Variants in JPH1 observed in about 807,000 individuals in gnomAD.
The protein encoded by JPH1 is junctophilin-1.
In JPH1, 12 loss-of-function variants were observed where a neutral mutation model predicts 53.6. That is an observed-to-expected ratio of 0.22 (90% CI 0.14 to 0.36). The LOEUF (loss-of-function observed/expected upper bound fraction) is 0.36, where lower values mean the gene tolerates loss of function less well. JPH1 is among the 10% of genes least tolerant of loss of function. The probability of loss-of-function intolerance (pLI) is 1.00; values close to 1 mark genes in which losing one functional copy is unlikely to be tolerated. For missense variants in JPH1, 808 were observed against 905.5 expected, an observed-to-expected ratio of 0.89 and a Z score of 1.38; for synonymous variants, 375 against 363.8, an observed-to-expected ratio of 1.03 and a Z score of -0.35.
In JPH1 at chr8:74,256,866, T is replaced by C. The variant is rs544022471; in HGVS notation, c.1258+2519A>G. On this transcript the variant is annotated intron_variant, in intron 3 of 5. Coordinates refer to ENST00000342232, the MANE Select transcript of JPH1 (RefSeq NM_020647.4). ...AATAGGTAATTTGCCATGGAAGCGT[T>C]CAACATGTAAGCTATGACAGGCATC... 3.9e-5 allele frequency among the ~76,000 whole-genome samples: 6 copies of C among 152,326 alleles called. 1 individual carries two copies. In the South Asian group the frequency reaches 1.2e-3, roughly 32 times the overall value.
intron 2 of JPH1, among the ~76,000 whole-genome samples, chr8:74,262,012 C>T (rs1806409467): frequency 6.6e-6 from 1 of 152,220 alleles, no homozygotes; most frequent in Non-Finnish European, 1.5e-5. Flanking sequence ...TCAGTGAAGC[C>T]TGCTAGTACT....
intron 2 of JPH1, among the ~76,000 whole-genome samples, chr8:74,292,704 T>C (rs1038731590): frequency 1.3e-5 from 2 of 149,118 alleles, no homozygotes; most frequent in Non-Finnish European, 3.0e-5. Flanking sequence ...CTAACTTTAA[T>C]GTTATTTTCT....
chr8:74,295,146 C>CTA lies in JPH1; in HGVS notation c.1139+19714_1139+19715insTA, dbSNP rs763270556. ...CCTCTGCTTGGAAAGCTTTTCTCCCCTTTCTATTTCTAGAAACTCCTACTG... is the reference window on the plus strand; with the variant it reads ...CCTCTGCTTGGAAAGCTTTTCTCCCCTATTTCTATTTCTAGAAACTCCTACTG... On this transcript the variant is annotated intron_variant, in intron 2 of 5. Coordinates refer to ENST00000342232, the MANE Select transcript of JPH1 (RefSeq NM_020647.4). 5.1e-4 allele frequency among the ~76,000 whole-genome samples: 78 copies of CTA among 152,284 alleles called. 1 individual carries two copies. Among genetic ancestry groups the CTA allele is most frequent in the Admixed American group, 2.9e-3 (45 of 15,302 alleles).
intron 4 of JPH1, among the ~76,000 whole-genome samples, chr8:74,242,773 C>T (rs1286818563): frequency 1.3e-5 from 2 of 152,324 alleles, no homozygotes; most frequent in East Asian, 3.9e-4. Flanking sequence ...GCTTCCCTTC[C>T]CCCTTGGGGT....
At chr8:74,246,814 TG>T (rs1167114073) in intron 3 of JPH1, among the ~76,000 whole-genome samples, 9 of 152,318 alleles carry the variant, frequency 5.9e-5, no homozygotes, top group African/African-American at 1.9e-4. Flanking sequence ...AGATCGCACA[TG>T]GACAATTGAG....
intron 2 of JPH1, among the ~76,000 whole-genome samples, chr8:74,297,494 G>C (rs6995682): frequency 0.4 from 61,477 of 151,918 alleles, 12,703 homozygotes; most frequent in South Asian, 0.49. Flanking sequence ...TGTGCTTCGC[G>C]GGACTCTTAA....
At chr8:74,249,959 A>G (rs1805990450) in intron 3 of JPH1, among the ~76,000 whole-genome samples, 1 of 152,234 alleles carries the variant, frequency 6.6e-6, no homozygotes, top group African/African-American at 2.4e-5. Context: ...TACCCAGAGA[A>G]GCAGGCTGGC....
chr8:74,282,351 T>C (rs1807037356), intron 2 of JPH1, among the ~76,000 whole-genome samples: 1 of 152,204 alleles, frequency 6.6e-6, no homozygotes, highest in Non-Finnish European at 1.5e-5. Flanking sequence ...GAATATTTTA[T>C]TCTAAAATAT....
intron 1 of JPH1, among the ~76,000 whole-genome samples, chr8:74,318,537 TACTA>T (rs1808225332): frequency 1.3e-5 from 2 of 152,346 alleles, no homozygotes; most frequent in South Asian, 4.1e-4. Flanking sequence ...ATGAGTATGA[TACTA>T]ACTTATTGTT....
chr8:74,250,959 T>C (rs948715037), intron 3 of JPH1, among the ~76,000 whole-genome samples: 19 of 152,292 alleles, frequency 1.2e-4, no homozygotes, highest in African/African-American at 3.9e-4. Context: ...CAGAACTCCA[T>C]GGAAAGCTCA....
intron 3 of JPH1, among the ~76,000 whole-genome samples, chr8:74,254,959 G>C (rs1260047878): frequency 2.0e-5 from 3 of 152,094 alleles, no homozygotes; most frequent in African/African-American, 7.3e-5. Flanking sequence ...CGTGAAAATG[G>C]GCATACTGCC....
intron 3 of JPH1, among the ~76,000 whole-genome samples, chr8:74,246,145 G>T (rs886138623): frequency 6.6e-6 from 1 of 152,014 alleles, no homozygotes; most frequent in East Asian, 1.9e-4. Flanking sequence ...GCCACTTTTC[G>T]CCTCATAAGG....
At chr8:74,307,310 C>T (rs373513229) in intron 2 of JPH1, among the ~76,000 whole-genome samples, 5 of 152,258 alleles carry the variant, frequency 3.3e-5, no homozygotes, top group South Asian at 4.1e-4. Context: ...TACAAAGACC[C>T]GTGATACCCA....
chr8:74,318,288 G>A (rs2131469452), intron 1 of JPH1, among the ~76,000 whole-genome samples: 1 of 152,234 alleles, frequency 6.6e-6, no homozygotes, highest in Admixed American at 6.5e-5. Flanking sequence ...TTTAGATTTA[G>A]TCATTTTAAC....
chr8:74,307,591 T>C (rs1299742523), intron 2 of JPH1, among the ~76,000 whole-genome samples: 2 of 152,214 alleles, frequency 1.3e-5, no homozygotes, highest in Non-Finnish European at 1.5e-5. Context: ...TCCTAAAATT[T>C]CTTTAACTAT....
chr8:74,292,191 A>C (rs1328418694), intron 2 of JPH1, among the ~76,000 whole-genome samples: 3 of 152,228 alleles, frequency 2.0e-5, no homozygotes. Context: ...TAAAAAATTA[A>C]ACAGAAAAAA....
At chr8:74,268,129 G>T (rs759367833) in intron 2 of JPH1, among the ~76,000 whole-genome samples, 1 of 152,094 alleles carries the variant, frequency 6.6e-6, no homozygotes, top group Admixed American at 6.5e-5. Flanking sequence ...GGATGAGGAC[G>T]GATTTATATG....
intron 2 of JPH1, among the ~76,000 whole-genome samples, chr8:74,297,303 C>T (rs192480241): frequency 5.9e-5 from 9 of 152,310 alleles, no homozygotes; most frequent in Admixed American, 3.9e-4. Flanking sequence ...ACTGCACTCC[C>T]GACCAGCTTT....
chr8:74,302,610 G>A (rs190858131), intron 2 of JPH1, among the ~76,000 whole-genome samples: 1 of 152,248 alleles, frequency 6.6e-6, no homozygotes, highest in East Asian at 1.9e-4. Flanking sequence ...ACAGGGCTTA[G>A]GCAAGGAGGG....
Sources: allele counts gnomAD v4.1 joint callset (sites outside exome capture counted in the v4.1 genomes callset), GRCh38; gene constraint gnomAD v4.1.1; transcripts MANE v1.5; gene names NCBI Gene and HGNC (gene_info 2026-07-23, HGNC 2026-07-21).